ANO3: variants seen among roughly 807,000 people sequenced by gnomAD.
ANO3 encodes the protein anoctamin-3.
In ANO3, 99 loss-of-function variants were observed where a neutral mutation model predicts 144.8. That is an observed-to-expected ratio of 0.68 (90% CI 0.58 to 0.81). The LOEUF is 0.81. Among genes scored for constraint, ANO3 ranks in the 30% least tolerant of loss-of-function variants. The pLI, the probability that ANO3 is intolerant of heterozygous loss-of-function variation, is 0.00. For synonymous variants in ANO3, 414 were observed against 392.6 expected, an observed-to-expected ratio of 1.05 and a Z score of -0.64; for missense variants, 905 against 1,202.2, an observed-to-expected ratio of 0.75 and a Z score of 3.66.
chr11:26,247,725 A>ATTTTT (rs1852828683), intron 1 of ANO3, among the ~76,000 whole-genome samples: 12 of 60,110 alleles, frequency 2.0e-4, no homozygotes, highest in Admixed American at 4.9e-4. Flanking sequence ...AGCTCCAGTC[A>ATTTTT]CTTTTTTTTT....
At chr11:26,439,177 C>G (rs1443024289) in intron 1 of ANO3, among the ~76,000 whole-genome samples, 1 of 152,170 alleles carries the variant, frequency 6.6e-6, no homozygotes, top group Non-Finnish European at 1.5e-5. Context: ...TTAGCTACAA[C>G]TGGATTATAA....
chr11:26,501,921 T>G (rs1861211616), intron 4 of ANO3, among the ~76,000 whole-genome samples: 1 of 152,194 alleles, frequency 6.6e-6, no homozygotes, highest in Non-Finnish European at 1.5e-5. Flanking sequence ...CAGGAGTTGG[T>G]GAGGTTCTCT....
At chr11:26,559,808 C>A in intron 14 of ANO3, 29 bp downstream of exon 14, 5 of 1,371,278 alleles carry the variant, frequency 3.6e-6, no homozygotes, top group Non-Finnish European at 5.2e-6. Context: ...ACTTTCTATC[C>A]CTTATTTTCT....
At chr11:26,580,707 G>A (rs1851106093) in intron 14 of ANO3, among the ~76,000 whole-genome samples, 1 of 152,142 alleles carries the variant, frequency 6.6e-6, no homozygotes, top group African/African-American at 2.4e-5. Flanking sequence ...CAGATATAGT[G>A]TTCTCTTAAA....
At chr11:26,423,185 A>G (rs1453799995) in intron 1 of ANO3, among the ~76,000 whole-genome samples, 2 of 151,986 alleles carry the variant, frequency 1.3e-5, no homozygotes, top group Non-Finnish European at 2.9e-5. Context: ...ACAAATCAAT[A>G]GAAACATAGA....
chr11:26,433,541 T>C (rs1858193410), intron 1 of ANO3, among the ~76,000 whole-genome samples: 1 of 152,210 alleles, frequency 6.6e-6, no homozygotes, highest in African/African-American at 2.4e-5. Context: ...TTGTCATAGA[T>C]GGCTCTTGTT....
At position 26,323,347 on chromosome 11, in the gene ANO3, T is replaced by C. The variant is rs377556653; in HGVS notation, c.-3+13628T>C. 7.2e-4 allele frequency among the ~76,000 whole-genome samples: 110 copies of C among 152,274 alleles called. 2 individuals are homozygous for C. The South Asian group carries it at 0.022, about 30-fold the overall frequency. On this transcript the variant is annotated intron_variant, in intron 1 of 26. Coordinates refer to the ANO3 transcript ENST00000525139. ...CTGAATATCTGCTTTGGCAGTTTTG[T>C]TTTACTGTGTATGCATTTTGATCTG...
chr11:26,295,518 A>AC (rs1282964875), intron 1 of ANO3, among the ~76,000 whole-genome samples: 1 of 98,310 alleles, frequency 1.0e-5, no homozygotes, highest in East Asian at 2.0e-4. Context: ...TCTGTCTCAA[A>AC]AAAAAAAAAA....
chr11:26,293,532 T>C (rs1167578860), intron 1 of ANO3, among the ~76,000 whole-genome samples: 1 of 6,820 alleles, frequency 1.5e-4, no homozygotes, highest in African/African-American at 4.3e-4. Context: ...ATAAATTCCA[T>C]GTATATATAT....
intron 1 of ANO3, among the ~76,000 whole-genome samples, chr11:26,254,328 G>A (rs904493691): frequency 2.6e-5 from 4 of 152,034 alleles, no homozygotes; most frequent in Admixed American, 2.6e-4. Context: ...ACCTCAAATC[G>A]AGAAAAGGTA....
chr11:26,476,932 T>TGAGAGAGA (rs34338490), intron 4 of ANO3, among the ~76,000 whole-genome samples: 3 of 133,958 alleles, frequency 2.2e-5, no homozygotes, highest in African/African-American at 8.6e-5. Context: ...TGTGTGTGTG[T>TGAGAGAGA]GAGAGAGAGA....
intron 7 of ANO3, among the ~76,000 whole-genome samples, chr11:26,527,982 T>C (rs1403024339): frequency 6.6e-6 from 1 of 152,148 alleles, no homozygotes. Flanking sequence ...TCCAGACTTA[T>C]TTTCAATTTT....
rs1281781575 is a variant in ANO3 at position 26,663,041 on chromosome 11, A to T, written c.*2597A>T. ...ATATGTGCATGCAGTCTGCCTTGACAAGTTGTTCCAAGCTGAAGAGCTTTC... is the reference window on the plus strand; with the variant it reads ...ATATGTGCATGCAGTCTGCCTTGACTAGTTGTTCCAAGCTGAAGAGCTTTC... On this transcript the variant is annotated 3_prime_UTR_variant, in exon 27 of 27. Transcript: ENST00000256737. 1 of 152,462 alleles carries T rather than the reference A, an allele frequency of 6.6e-6. No homozygotes were observed. Among genetic ancestry groups the T allele is most frequent in the Admixed American group, 6.6e-5 (1 of 15,204 alleles). The allele number at this position is 152,462 out of a possible 1,614,324, so 9.4% of individuals were successfully genotyped here. A position where few individuals can be genotyped will look rare whatever the true frequency, so the allele number is the denominator to read the frequency against.
intron 1 of ANO3, among the ~76,000 whole-genome samples, chr11:26,315,302 T>G (rs1854596232): frequency 6.6e-6 from 1 of 152,140 alleles, no homozygotes; most frequent in Non-Finnish European, 1.5e-5. Flanking sequence ...TCCCCTCAAT[T>G]CTCCTCAGTT....
At chr11:26,228,573 G>A (rs1336173537) in intron 1 of ANO3, among the ~76,000 whole-genome samples, 1 of 152,140 alleles carries the variant, frequency 6.6e-6, no homozygotes, top group Non-Finnish European at 1.5e-5. Flanking sequence ...AAAAGAGAGG[G>A]GAAGGAATTG....
chr11:26,551,160 A>G (rs1305037130), intron 12 of ANO3, among the ~76,000 whole-genome samples: 1 of 152,020 alleles, frequency 6.6e-6, no homozygotes, highest in Non-Finnish European at 1.5e-5. Flanking sequence ...ATAAGGAAGC[A>G]TGAGAACCCT....
At chr11:26,212,604 T>C (rs1410733228) in intron 1 of ANO3, among the ~76,000 whole-genome samples, 1 of 152,034 alleles carries the variant, frequency 6.6e-6, no homozygotes, top group Non-Finnish European at 1.5e-5. Flanking sequence ...AATCCCTGAA[T>C]AGATCAATAA....
intron 7 of ANO3, among the ~76,000 whole-genome samples, chr11:26,530,451 A>C (rs993647200): frequency 2.1e-5 from 3 of 142,018 alleles, no homozygotes; most frequent in Non-Finnish European, 4.5e-5. Context: ...TCTATCATCT[A>C]TCTGTCTGTC....
chr11:26,472,518 T>G (rs577115097), intron 4 of ANO3, among the ~76,000 whole-genome samples: 2 of 152,002 alleles, frequency 1.3e-5, no homozygotes, highest in African/African-American at 4.8e-5. Context: ...GACCATGCTG[T>G]CAAGCACTGT....
Sources: gnomAD v4.1 joint callset for allele counts (sites outside exome capture counted in the v4.1 genomes callset) on GRCh38, gnomAD v4.1.1 for gene constraint, MANE v1.5 for transcripts, NCBI Gene and HGNC (gene_info 2026-07-23, HGNC 2026-07-21) for gene names.